Variants in LIFR observed in about 807,000 individuals in gnomAD.
The protein encoded by LIFR is leukemia inhibitory factor receptor.
Under a neutral mutation model 122.2 loss-of-function variants are expected in LIFR, and 84 were observed. That is an observed-to-expected ratio of 0.69 (90% CI 0.58 to 0.82). The LOEUF is 0.82. Ranked by LOEUF, LIFR falls within the 40% of genes least tolerant of loss-of-function variation. LIFR has a pLI of 0.00. For missense variants in LIFR, 1,294 were observed against 1,311.6 expected (o/e 0.99, Z 0.21); for synonymous variants, 422 against 434.7 (o/e 0.97, Z 0.36).
chr5:38,564,357 G>C (rs751816678), intron 1 of LIFR, among the ~76,000 whole-genome samples: 26 of 152,016 alleles, frequency 1.7e-4, no homozygotes, highest in Admixed American at 5.2e-4. Context: ...CAAGTAGCTG[G>C]GACTACAGAC....
At chr5:38,535,682 C>T (rs1747260208) in intron 1 of LIFR, among the ~76,000 whole-genome samples, 1 of 152,152 alleles carries the variant, frequency 6.6e-6, no homozygotes, top group African/African-American at 2.4e-5. Context: ...GCAAACACAT[C>T]CGAGTTCACT....
chr5:38,490,201 A>G lies in LIFR; in HGVS notation c.2156T>C (p.Ile719Thr). 3 of 1,501,622 alleles carry G rather than the reference A, an allele frequency of 2.0e-6. No homozygotes were observed. The highest frequency in any genetic ancestry group is 1.7e-5 in the Admixed American group (1 of 58,358). The allele number at this position is 1,501,622 out of a possible 1,614,324, so 93.0% of individuals were successfully genotyped here. A position where few individuals can be genotyped will look rare whatever the true frequency, so the allele number is the denominator to read the frequency against. ...CCCATTTAACTTACCCAATTCTTCT[A>G]TATATCCAATCATGGAGCGTAATAA... ...YQLLRSMIGY[I>T]EELAPIVAPN... The change falls in exon 15 of 20, where the codon ATA becomes ACA. Residue 719 changes from isoleucine (I) to threonine (T), a missense_variant. Ile to Thr is a moderately conservative substitution (Grantham distance 89, BLOSUM62 -1). Coordinates refer to ENST00000453190, the MANE Select transcript of LIFR (RefSeq NM_001127671.2).
At chr5:38,598,241 A>ATT (rs1307363084), upstream of LIFR, among the ~76,000 whole-genome samples, 17 of 36,694 alleles carry the variant, frequency 4.6e-4, no homozygotes, top group African/African-American at 8.4e-4. Context: ...TTATTTATTT[A>ATT]TTTATTTTTT....
chr5:38,554,075 C>G (rs1218078850), intron 1 of LIFR, among the ~76,000 whole-genome samples: 1 of 152,168 alleles, frequency 6.6e-6, no homozygotes, highest in African/African-American at 2.4e-5. Flanking sequence ...CTACCCTCAT[C>G]TTCAATTTAA....
chr5:38,604,117 A>G (rs1257974984), intron 2 of LIFR, among the ~76,000 whole-genome samples: 1 of 152,172 alleles, frequency 6.6e-6, no homozygotes, highest in Non-Finnish European at 1.5e-5. Flanking sequence ...GGTGGCAGAG[A>G]TGCAAATGTG....
chr5:38,499,617 A>C, intron 11 of LIFR, 34 bp from the exon 12 acceptor site: 1 of 1,393,836 alleles, frequency 7.2e-7, no homozygotes, highest in Non-Finnish European at 1.0e-6. Context: ...ATATCTGAAG[A>C]CACATACTAT....
In LIFR at chr5:38,502,713, C is replaced by T. The variant is rs1580053451; in HGVS notation, c.1524G>A (p.Arg508=). Residue 508 remains arginine, a synonymous_variant, in exon 11 of 20, where the codon CGG becomes CGA. Transcript: ENST00000453190. ...AGAAAGTTTCAGTAGAACAACGAATCCGAAAAGTATATAGAGTGTATGGAT... is the reference window on the plus strand; with the variant it reads ...AGAAAGTTTCAGTAGAACAACGAATTCGAAAAGTATATAGAGTGTATGGAT... ...KLNPYTLYTF[R]IRCSTETFWK... The T allele has an allele frequency of 6.2e-7, 1 of 1,612,182 alleles. No homozygotes were observed. Among genetic ancestry groups the T allele is most frequent in the Non-Finnish European group, 8.5e-7 (1 of 1,178,356 alleles).
chr5:38,492,309 C>T (rs1398250754), intron 14 of LIFR, among the ~76,000 whole-genome samples: 1 of 152,172 alleles, frequency 6.6e-6, no homozygotes, highest in Non-Finnish European at 1.5e-5. Context: ...GGCAGCTTCC[C>T]CATATCCTGC....
chr5:38,552,925 G>A (rs537238826), intron 1 of LIFR, among the ~76,000 whole-genome samples: 2 of 152,304 alleles, frequency 1.3e-5, no homozygotes, highest in African/African-American at 4.8e-5. Context: ...TCCTGGTGCT[G>A]CAAATGCAAT....
At position 38,508,531 on chromosome 5, in the gene LIFR, G is replaced by A. The variant is rs139364386; in HGVS notation, c.992-1899C>T. 1.3e-4 allele frequency among the ~76,000 whole-genome samples: 20 copies of A among 151,894 alleles called. No homozygotes were observed. In the East Asian group the frequency reaches 1.5e-3, roughly 12 times the overall value. On this transcript the variant is annotated intron_variant, in intron 7 of 19. Coordinates refer to ENST00000453190, the MANE Select transcript of LIFR (RefSeq NM_001127671.2). ...TTTGATTGGGTAGGTGTGTGTGCAC[G>A]CAGACGTGTGTGTAGGGAAAAACTA...
At chr5:38,530,253 GA>G (rs1379832791) in intron 2 of LIFR, among the ~76,000 whole-genome samples, 1 of 152,042 alleles carries the variant, frequency 6.6e-6, no homozygotes, top group Non-Finnish European at 1.5e-5. Context: ...AAAACTCACA[GA>G]ACTGAATCTT....
intron 1 of LIFR, among the ~76,000 whole-genome samples, chr5:38,576,550 T>C (rs1749392404): frequency 6.6e-6 from 1 of 152,216 alleles, no homozygotes; most frequent in Admixed American, 6.5e-5. Flanking sequence ...TCCACTTGAC[T>C]ATAATGCGAG....
intron 1 of LIFR, among the ~76,000 whole-genome samples, chr5:38,571,666 T>G (rs1350971241): frequency 6.6e-6 from 1 of 151,946 alleles, no homozygotes; most frequent in Non-Finnish European, 1.5e-5. Context: ...CTTGTTATCA[T>G]AATGCAATAT....
chr5:38,497,360 A>G (rs1744938445), intron 12 of LIFR, among the ~76,000 whole-genome samples: 1 of 152,262 alleles, frequency 6.6e-6, no homozygotes, highest in South Asian at 2.1e-4. Flanking sequence ...AGGGTAAATC[A>G]GGAAAGAGAC....
At position 38,493,735 on chromosome 5, in the gene LIFR, TGA is replaced by T. The variant is rs780274909; in HGVS notation, c.1934_1935del (p.Leu645HisfsTer15). 4 of 1,614,064 alleles carry T rather than the reference TGA, an allele frequency of 2.5e-6. No homozygotes were observed. The highest frequency in any genetic ancestry group is 3.4e-6 in the Non-Finnish European group (4 of 1,179,966). On this transcript the variant is annotated frameshift_variant, in exon 14 of 20. Coordinates refer to ENST00000453190, the MANE Select transcript of LIFR (RefSeq NM_001127671.2). LOFTEE classifies it high-confidence loss of function. ...GTCATGTTGGGGTCGTAATGCCAGG[TGA>T]GGAGAATCCCCTTTCCCATCCCAAC... ...QVVGMGKGIL[L>X]TWHYDPNMTC...
intron 5 of LIFR, 123 bp downstream of exon 5, chr5:38,523,292 ACCCT>A: frequency 1.4e-6 from 1 of 716,066 alleles, no homozygotes; most frequent in Non-Finnish European, 2.4e-6. Flanking sequence ...TTTTTAATGA[ACCCT>A]GAAAGGTATC....
At chr5:38,564,751 C>T (rs1032375772) in intron 1 of LIFR, among the ~76,000 whole-genome samples, 24 of 149,624 alleles carry the variant, frequency 1.6e-4, no homozygotes, top group East Asian at 3.9e-4. Flanking sequence ...CACACACACA[C>T]ACACACACAC....
intron 16 of LIFR, among the ~76,000 whole-genome samples, chr5:38,487,889 C>G (rs187421761): frequency 1.6e-3 from 240 of 152,314 alleles, no homozygotes; most frequent in African/African-American, 5.4e-3. Flanking sequence ...AGTTCCTTCT[C>G]AACAATGCCT....
intron 18 of LIFR, 152 bp downstream of exon 18, chr5:38,484,623 T>A (rs1424857220): frequency 1.6e-6 from 1 of 629,650 alleles, no homozygotes; most frequent in East Asian, 3.0e-5. Flanking sequence ...ATGTTCTTAA[T>A]ATTAAATCCA....
Sources: allele counts gnomAD v4.1 joint callset (sites outside exome capture counted in the v4.1 genomes callset), GRCh38; gene constraint gnomAD v4.1.1; transcripts MANE v1.5; gene names NCBI Gene and HGNC (gene_info 2026-07-23, HGNC 2026-07-21).